Variants in ADCK1 observed in about 807,000 individuals in gnomAD.
ADCK1 encodes the protein aarF domain-containing protein kinase 1.
Under a neutral mutation model 52.3 loss-of-function variants are expected in ADCK1, and 41 were observed. The observed-to-expected ratio is 0.78, with a 90% CI of 0.61 to 1.02. ADCK1 has a LOEUF of 1.02. Ranked by LOEUF, ADCK1 falls within the 50% of genes least tolerant of loss-of-function variation. The probability of loss-of-function intolerance (pLI) is 0.00; values close to 1 mark genes in which losing one functional copy is unlikely to be tolerated. For missense variants in ADCK1, 658 were observed against 679.5 expected (o/e 0.97, Z 0.35); for synonymous variants, 250 against 274.6 (o/e 0.91, Z 0.89).
chr14:77,840,858 G>A (rs1035275755), intron 3 of ADCK1, among the ~76,000 whole-genome samples: 2 of 147,084 alleles, frequency 1.4e-5, no homozygotes, highest in Non-Finnish European at 3.0e-5. Context: ...AAAGAAAGAA[G>A]GGCAGCAGGG....
At chr14:77,909,267 C>G (rs2083738699) in intron 7 of ADCK1, among the ~76,000 whole-genome samples, 1 of 151,544 alleles carries the variant, frequency 6.6e-6, no homozygotes, top group South Asian at 2.1e-4. Flanking sequence ...TCCCAAGTAG[C>G]TGGGATTACA....
chr14:77,838,435 C>T (rs950080572), intron 3 of ADCK1, among the ~76,000 whole-genome samples: 4 of 152,144 alleles, frequency 2.6e-5, no homozygotes, highest in Admixed American at 6.6e-5. Context: ...TCACTCTTGT[C>T]GCTCAGGGTG....
chr14:77,876,664 C>T (rs1035008188), intron 4 of ADCK1, among the ~76,000 whole-genome samples: 9 of 152,270 alleles, frequency 5.9e-5, no homozygotes, highest in Admixed American at 5.9e-4. Flanking sequence ...CCCCAGTAAA[C>T]CACAGGTCTA....
intron 9 of ADCK1, among the ~76,000 whole-genome samples, chr14:77,930,787 A>G (rs1271384710): frequency 2.6e-5 from 4 of 152,172 alleles, no homozygotes; most frequent in Admixed American, 6.5e-5. Context: ...GCTTATCGTC[A>G]CCATCATCAT....
intron 7 of ADCK1, among the ~76,000 whole-genome samples, chr14:77,911,858 C>T (rs115131150): frequency 0.013 from 1,979 of 152,012 alleles, 45 homozygotes; most frequent in African/African-American, 0.046. Flanking sequence ...GAATCAGAGA[C>T]TCAGAGAGGG....
chr14:77,887,135 G>T lies in ADCK1; in HGVS notation c.468G>T (p.Thr156=), dbSNP rs35636358. 0.027 allele frequency: 43,763 copies of T among 1,606,154 alleles called. 2,123 individuals carry two copies. The highest frequency in any genetic ancestry group is 0.22 in the African/African-American group (16,180 of 74,452). ...FQSFDDTPLG[T]ASLAQVHKAV... ...GCTTCGATGACACCCCTCTGGGGAC[G>T]GCCTCCCTGGCCCAGGTCCACAAGG... The change falls in exon 5 of 11, where the codon ACG becomes ACT. Residue 156 remains threonine, a synonymous_variant. Coordinates refer to ENST00000238561, the MANE Select transcript of ADCK1 (RefSeq NM_020421.4).
At position 77,931,651 on chromosome 14, in the gene ADCK1, C is replaced by T. The variant is rs759129763; in HGVS notation, c.1340C>T (p.Thr447Ile). Residue 447 changes from threonine to isoleucine, a missense_variant, in exon 10 of 11, where the codon ACC (threonine) becomes ATC (isoleucine). Coordinates refer to ENST00000238561, the MANE Select transcript of ADCK1 (RefSeq NM_020421.4). ...CGTGGCATTGAGGCCGCCCTGGGCA[C>T]CCGCGCCAGCGCCAGCTCCTTTCTC... ...LLRGIEAALG[T>I]RASASSFLNM... The T allele has an allele frequency of 1.2e-6, 2 of 1,610,948 alleles. No individual in the cohort carries two copies. Among genetic ancestry groups the T allele is most frequent in the Non-Finnish European group, 1.7e-6 (2 of 1,180,016 alleles).
intron 4 of ADCK1, among the ~76,000 whole-genome samples, chr14:77,875,127 T>C (rs2082870063): frequency 6.6e-6 from 1 of 152,076 alleles, no homozygotes. Flanking sequence ...GGGGCAGTTA[T>C]GGTCATCCAG....
At chr14:77,911,489 A>G (rs2083790113) in intron 7 of ADCK1, among the ~76,000 whole-genome samples, 1 of 152,204 alleles carries the variant, frequency 6.6e-6, no homozygotes, top group South Asian at 2.1e-4. Flanking sequence ...GCACCAAGGC[A>G]GTGTCTGAAT....
chr14:77,912,411 G>A (rs1383356118), intron 7 of ADCK1, among the ~76,000 whole-genome samples: 1 of 150,556 alleles, frequency 6.6e-6, no homozygotes, highest in African/African-American at 2.4e-5. Context: ...TCAAAGCCAC[G>A]GCCTTGAAGA....
chr14:77,872,269 G>A (rs2082795790), intron 4 of ADCK1, among the ~76,000 whole-genome samples: 1 of 152,152 alleles, frequency 6.6e-6, no homozygotes, highest in South Asian at 2.1e-4. Flanking sequence ...ACAGCAGGAT[G>A]GTGGCTGAGC....
intron 6 of ADCK1, among the ~76,000 whole-genome samples, chr14:77,901,481 C>T (rs1381935729): frequency 6.6e-6 from 1 of 151,974 alleles, no homozygotes; most frequent in African/African-American, 2.4e-5. Context: ...CCTCCACCTC[C>T]CGGGTTCAGG....
intron 4 of ADCK1, among the ~76,000 whole-genome samples, chr14:77,863,430 A>G (rs2140147180): frequency 6.6e-6 from 1 of 152,176 alleles, no homozygotes; most frequent in African/African-American, 2.4e-5. Flanking sequence ...CAGCCACACT[A>G]TGCTGTTATC....
intron 7 of ADCK1, among the ~76,000 whole-genome samples, chr14:77,913,198 A>G (rs1156465749): frequency 6.6e-6 from 1 of 152,220 alleles, no homozygotes; most frequent in Non-Finnish European, 1.5e-5. Flanking sequence ...AGAAGTTTGC[A>G]AGAATCTGCA....
intron 3 of ADCK1, among the ~76,000 whole-genome samples, chr14:77,852,689 AT>A (rs2082323308): frequency 1.0e-5 from 1 of 97,588 alleles, no homozygotes; most frequent in African/African-American, 4.7e-5. Context: ...ATATATATAT[AT>A]ATATATATAT....
At chr14:77,846,896 C>T (rs947318831) in intron 3 of ADCK1, among the ~76,000 whole-genome samples, 7 of 152,226 alleles carry the variant, frequency 4.6e-5, no homozygotes, top group Non-Finnish European at 8.8e-5. Flanking sequence ...CCCATCTTCT[C>T]CAAGAGAGGC....
chr14:77,900,720 G>A (rs1315112612), intron 6 of ADCK1: 11 of 391,194 alleles, frequency 2.8e-5, no homozygotes, highest in South Asian at 1.7e-4. Context: ...TCTGCTGGAT[G>A]CAGCTTTCTG....
chr14:77,845,199 G>A (rs2082151128), intron 3 of ADCK1, among the ~76,000 whole-genome samples: 2 of 152,160 alleles, frequency 1.3e-5, no homozygotes, highest in South Asian at 4.1e-4. Flanking sequence ...TTATGGTCTT[G>A]GAGTTAGACT....
intron 1 of ADCK1, among the ~76,000 whole-genome samples, chr14:77,805,514 G>A (rs1031686570): frequency 6.6e-6 from 1 of 151,790 alleles, no homozygotes; most frequent in East Asian, 2.0e-4. Flanking sequence ...CACCTGCCTC[G>A]GCCTCCTAAA....
Sources: gnomAD v4.1 joint callset for allele counts (sites outside exome capture counted in the v4.1 genomes callset) on GRCh38, gnomAD v4.1.1 for gene constraint, MANE v1.5 for transcripts, NCBI Gene and HGNC (gene_info 2026-07-23, HGNC 2026-07-21) for gene names.